RAB7A: variants seen among roughly 807,000 people sequenced by gnomAD.
RAB7A encodes the protein RAB7A, member RAS oncogene family, also known as ras-related protein Rab-7a.
RAB7A carries 2 observed loss-of-function variants against 24.5 expected under a neutral mutation model. The observed-to-expected ratio is 0.08, with a 90% confidence interval of 0.03 to 0.26. The LOEUF is 0.26. RAB7A is among the 10% of genes least tolerant of loss of function. The probability of loss-of-function intolerance (pLI) is 1.00; values close to 1 mark genes in which losing one functional copy is unlikely to be tolerated. For synonymous variants in RAB7A, 100 were observed against 95.9 expected, an observed-to-expected ratio of 1.04 and a Z score of -0.25; for missense variants, 118 against 255.7, an observed-to-expected ratio of 0.46 and a Z score of 3.67.
At chr3:128,746,936 A>G (rs939909734) in intron 1 of RAB7A, among the ~76,000 whole-genome samples, 1 of 151,806 alleles carries the variant, frequency 6.6e-6, no homozygotes, top group Non-Finnish European at 1.5e-5. Context: ...TCCATATTGT[A>G]TACATATATC....
rs998424094 is a variant in RAB7A at position 128,733,840 on chromosome 3, G to A, written c.-9+7481G>A. Among the ~76,000 whole-genome samples the A allele has an allele frequency of 9.8e-5, 15 of 152,342 alleles. No individual in the cohort carries two copies. The South Asian group carries it at 1.2e-3, about 13-fold the overall frequency. On this transcript the variant is annotated intron_variant, in intron 1 of 5. Transcript: ENST00000265062. ...TAGGTGGACACAGTTCACTTCATAA[G>A]AGTATCTATTCTGCTCTAGTAGATA... is the stretch of plus-strand genomic sequence containing the variant.
At chr3:128,806,652 T>G (rs1559797523) in intron 4 of RAB7A, 62 bp downstream of exon 4, 1 of 1,486,040 alleles carries the variant, frequency 6.7e-7, no homozygotes, top group South Asian at 1.2e-5. Flanking sequence ...CTTGTGAATT[T>G]GGAGGGTTCT....
chr3:128,753,797 C>T (rs1422195715), intron 1 of RAB7A, among the ~76,000 whole-genome samples: 3 of 152,092 alleles, frequency 2.0e-5, no homozygotes, highest in Admixed American at 6.6e-5. Flanking sequence ...ATGAAAGCCC[C>T]ACCTCTTTAT....
intron 1 of RAB7A, among the ~76,000 whole-genome samples, chr3:128,731,427 A>C (rs2070435662): frequency 6.6e-6 from 1 of 152,220 alleles, no homozygotes; most frequent in African/African-American, 2.4e-5. Flanking sequence ...GCACCATGTT[A>C]ATGGTTGTTA....
At chr3:128,757,452 G>A (rs866251137) in intron 1 of RAB7A, among the ~76,000 whole-genome samples, 10 of 152,104 alleles carry the variant, frequency 6.6e-5, no homozygotes, top group African/African-American at 9.7e-5. Flanking sequence ...AAGTACAGGC[G>A]AGGCAGAGGC....
chr3:128,798,821 T>A (rs9881470), intron 3 of RAB7A: 19,158 of 150,366 alleles, frequency 0.13, 2,239 homozygotes, highest in African/African-American at 0.36. Context: ...TCTCTAAATT[T>A]AAAAAAAAAA....
chr3:128,784,448 A>G (rs1933294699), intron 1 of RAB7A, among the ~76,000 whole-genome samples: 1 of 152,130 alleles, frequency 6.6e-6, no homozygotes, highest in African/African-American at 2.4e-5. Context: ...AAGGTGGCGC[A>G]GCATCCTCAC....
chr3:128,763,215 T>A lies in RAB7A; in HGVS notation c.-8-32145T>A, dbSNP rs201591848. On this transcript the variant is annotated intron_variant, in intron 1 of 5. Coordinates refer to ENST00000265062, the MANE Select transcript of RAB7A (RefSeq NM_004637.6). ...ATATATATATATATATATATTTTTT[T>A]TTTTTTTTTTTTTTTTTGAGACGGA... 6.7e-4 allele frequency among the ~76,000 whole-genome samples: 79 copies of A among 118,650 alleles called. 1 individual carries two copies. The East Asian group carries it at 0.014, about 21-fold the overall frequency. 77.8% of individuals were successfully genotyped at this position (118,650 alleles called of 152,430 possible). A position where few individuals can be genotyped will look rare whatever the true frequency, so the allele number is the denominator to read the frequency against.
intron 3 of RAB7A, among the ~76,000 whole-genome samples, chr3:128,803,078 G>C (rs888240294): frequency 6.6e-6 from 1 of 152,188 alleles, no homozygotes; most frequent in Non-Finnish European, 1.5e-5. Context: ...CCAAAGTCCT[G>C]GGATTACAGG....
At chr3:128,751,650 A>G (rs112670422) in intron 1 of RAB7A, among the ~76,000 whole-genome samples, 56 of 152,348 alleles carry the variant, frequency 3.7e-4, no homozygotes, top group African/African-American at 1.3e-3. Flanking sequence ...CAGATGAGAC[A>G]TTGGACTGTG....
intron 1 of RAB7A, among the ~76,000 whole-genome samples, chr3:128,769,504 G>A (rs1303926230): frequency 6.6e-6 from 1 of 152,078 alleles, no homozygotes; most frequent in Non-Finnish European, 1.5e-5. Context: ...CTGTGTTTGA[G>A]AGTTCTTTGT....
chr3:128,779,852 G>A (rs1375574504), intron 1 of RAB7A, among the ~76,000 whole-genome samples: 1 of 152,292 alleles, frequency 6.6e-6, no homozygotes, highest in Non-Finnish European at 1.5e-5. Context: ...GTGTGCCACC[G>A]TGCCCAGCTG....
At chr3:128,783,383 C>G (rs546782306) in intron 1 of RAB7A, among the ~76,000 whole-genome samples, 1 of 151,998 alleles carries the variant, frequency 6.6e-6, no homozygotes, top group Non-Finnish European at 1.5e-5. Context: ...AAGACAGGCT[C>G]TCAACACTGC....
intron 1 of RAB7A, among the ~76,000 whole-genome samples, chr3:128,743,282 C>G (rs1487807365): frequency 6.6e-6 from 1 of 152,220 alleles, no homozygotes; most frequent in South Asian, 2.1e-4. Flanking sequence ...GCGCGCAGCC[C>G]CAGTTTCCCG....
intron 1 of RAB7A, chr3:128,764,377 T>G: frequency 1.5e-6 from 1 of 654,404 alleles, no homozygotes; most frequent in South Asian, 1.7e-5. Context: ...GCACAACTTA[T>G]AGAAAAGGTA....
At chr3:128,787,222 C>T (rs1441945631) in intron 1 of RAB7A, among the ~76,000 whole-genome samples, 1 of 152,188 alleles carries the variant, frequency 6.6e-6, no homozygotes, top group Non-Finnish European at 1.5e-5. Flanking sequence ...AAACACCAAC[C>T]AACTAAAAAT....
At chr3:128,794,944 G>A (rs1489241279) in intron 1 of RAB7A, among the ~76,000 whole-genome samples, 8 of 151,974 alleles carry the variant, frequency 5.3e-5, no homozygotes, top group Non-Finnish European at 8.8e-5. Flanking sequence ...GCAGAGTAAC[G>A]GGATAGAGAG....
chr3:128,813,119 C>T (rs1933960806), intron 5 of RAB7A, among the ~76,000 whole-genome samples: 1 of 152,226 alleles, frequency 6.6e-6, no homozygotes, highest in African/African-American at 2.4e-5. Flanking sequence ...GGAGTTGTCA[C>T]AAAATCTGTT....
chr3:128,777,256 T>C (rs1014076702), intron 1 of RAB7A, among the ~76,000 whole-genome samples: 1 of 152,132 alleles, frequency 6.6e-6, no homozygotes, highest in Non-Finnish European at 1.5e-5. Context: ...TACAGTTATA[T>C]GATCACTGCT....
Sources: gnomAD v4.1 joint callset for allele counts (sites outside exome capture counted in the v4.1 genomes callset) on GRCh38, gnomAD v4.1.1 for gene constraint, MANE v1.5 for transcripts, NCBI Gene and HGNC (gene_info 2026-07-23, HGNC 2026-07-21) for gene names.